COL6A1: variants seen among roughly 807,000 people sequenced by gnomAD.
The protein encoded by COL6A1 is collagen alpha-1(VI) chain.
Under a neutral mutation model 145.6 loss-of-function variants are expected in COL6A1, and 80 were observed. The observed-to-expected ratio is 0.55, with a 90% CI of 0.46 to 0.66. COL6A1 has a LOEUF of 0.66. Ranked by LOEUF, COL6A1 falls within the 30% of genes least tolerant of loss-of-function variation. The pLI is 0.00. For synonymous variants in COL6A1, 638 were observed against 622.8 expected (o/e 1.02, Z -0.36); for missense variants, 1,364 against 1,473.8 (o/e 0.93, Z 1.22).
In COL6A1 at chr21:46,004,738, AC is replaced by A; in HGVS notation, c.*729del. 1 of 445,554 alleles carries A rather than the reference AC, an allele frequency of 2.2e-6. No individual in the cohort carries two copies. The highest frequency in any genetic ancestry group is 2.4e-5 in the Admixed American group (1 of 41,848). 27.6% of individuals were successfully genotyped at this position (445,554 alleles called of 1,614,324 possible). On this transcript the variant is annotated 3_prime_UTR_variant, in exon 35 of 35. Transcript: ENST00000361866. ...TGGAGGCCGCTGCTGACCAGCACTG[AC>A]CCCGACCTCAGAGAGTACTCGCAGG... is the stretch of plus-strand genomic sequence containing the variant.
intron 29 of COL6A1, 59 bp downstream of exon 29, chr21:46,000,826 T>C: frequency 6.3e-7 from 1 of 1,598,774 alleles, no homozygotes; most frequent in Non-Finnish European, 8.6e-7. Flanking sequence ...GAGCGAGGCC[T>C]GGGTCCCACA....
At chr21:45,987,682 G>C in intron 8 of COL6A1, 28 bp downstream of exon 8, 1 of 1,597,328 alleles carries the variant, frequency 6.3e-7, no homozygotes, top group African/African-American at 1.3e-5. Flanking sequence ...CTCCTCCCAT[G>C]TGTTGTGGGG....
Position 45,999,594 on chromosome 21 carries a change from T to C in COL6A1, c.1741-63T>C, listed in dbSNP as rs886340356. On this transcript the variant is annotated intron_variant, in intron 26 of 34. Transcript: ENST00000361866. ...CAGGGCCCTGGGGGTGGGGGCTGTC[T>C]CAGCTCAGGAAGCACAGTGGGCTCC... 5.1e-6 allele frequency: 8 copies of C among 1,581,284 alleles called. No individual in the cohort carries two copies. In the Admixed American group the frequency reaches 1.4e-4, roughly 27 times the overall value.
intron 25 of COL6A1, 37 bp downstream of exon 25, chr21:45,998,996 C>T (rs1196507618): frequency 1.1e-5 from 17 of 1,549,812 alleles, no homozygotes; most frequent in Non-Finnish European, 1.4e-5. Context: ...GCCCCAAGTC[C>T]ACCTGAGCCA....
Position 45,998,448 on chromosome 21 carries a change from T to C in COL6A1, c.1611+15T>C. ...CCGGGATAAACGTGAGTACGCCCCC[T>C]CCTCCATCTGGCTGTGGGCACACAA... On this transcript the variant is annotated intron_variant, in intron 24 of 34. Transcript: ENST00000361866. 1 of 1,613,170 alleles carries C rather than the reference T, an allele frequency of 6.2e-7. No homozygotes were observed. The highest frequency in any genetic ancestry group is 8.5e-7 in the Non-Finnish European group (1 of 1,179,962).
chr21:45,998,804 CCT>C, intron 24 of COL6A1, 91 bp from the exon 25 acceptor site: 2 of 1,334,254 alleles, frequency 1.5e-6, no homozygotes, highest in Non-Finnish European at 2.1e-6. Flanking sequence ...GAGAAGAGTG[CCT>C]CTCTTATCTT....
Position 45,994,148 on chromosome 21 carries a change from A to C in COL6A1, c.1336-19A>C, listed in dbSNP as rs1434185713. ...CCAAGGATGGCCCAGCTCCACACTC[A>C]CGGCTCGTTTCTCTTCAGGGTGAAG... On this transcript the variant is annotated intron_variant, in intron 19 of 34. Transcript: ENST00000361866. The surrounding 1 kb of genome is among the most constrained non-coding windows in gnomAD (Gnocchi z 6.8). 6.3e-7 allele frequency: 1 copy of C among 1,588,990 alleles called. No individual in the cohort carries two copies. The highest frequency in any genetic ancestry group is 2.3e-5 in the East Asian group (1 of 43,862).
intron 3 of COL6A1, among the ~76,000 whole-genome samples, chr21:45,986,195 G>A (rs73374777): frequency 3.3e-5 from 5 of 152,272 alleles, no homozygotes; most frequent in African/African-American, 7.2e-5. Context: ...CGGGCATCTC[G>A]GAGGGGCACG....
rs1282531612 is a variant in COL6A1, at chr21:46,001,249, G to A, written c.1823-4G>A. The A allele has an allele frequency of 1.9e-6, 3 of 1,605,326 alleles. No individual in the cohort carries two copies. The highest frequency in any genetic ancestry group is 1.1e-5 in the South Asian group (1 of 91,066). ...TGCTCTGCTGACACCGCCCCCGCCT[G>A]CAGAATGCAAGTGCGGCCCCATCGA... is the stretch of plus-strand genomic sequence containing the variant. On this transcript the variant is annotated splice_region_variant and splice_polypyrimidine_tract_variant and intron_variant, in intron 29 of 34. Transcript: ENST00000361866.
rs1009649392 is a variant in COL6A1, at chr21:45,995,388, G to A, written c.1398+1159G>A. 5.3e-5 allele frequency among the ~76,000 whole-genome samples: 8 copies of A among 152,236 alleles called. No individual in the cohort carries two copies. The East Asian group carries it at 7.7e-4, about 15-fold the overall frequency. ...CAGGGCCAGGTGCAGGGCACAGTGC[G>A]TGGAAGAGGCCATGCAGCCAGTGGC... On this transcript the variant is annotated intron_variant, in intron 20 of 34. Coordinates refer to ENST00000361866, the MANE Select transcript of COL6A1 (RefSeq NM_001848.3).
At position 46,000,324 on chromosome 21, in the gene COL6A1, T is replaced by TC; in HGVS notation, c.1777-3dup. The TC allele has an allele frequency of 6.2e-7, 1 of 1,613,842 alleles. No individual in the cohort carries two copies. The highest frequency in any genetic ancestry group is 8.5e-7 in the Non-Finnish European group (1 of 1,179,848). On this transcript the variant is annotated splice_polypyrimidine_tract_variant and splice_region_variant and intron_variant, in intron 27 of 34. Transcript: ENST00000361866. Reference sequence around the variant, plus strand: ...TGGCCCCAGTACCCTCGTCTCTCCCTCCCCAGGAATGCGAGATTTTGGACA... The same window carrying TC: ...TGGCCCCAGTACCCTCGTCTCTCCCTCCCCCAGGAATGCGAGATTTTGGACA...
chr21:45,984,401 C>T lies in COL6A1; in HGVS notation c.360C>T (p.Val120=), dbSNP rs2077725761. The T allele has an allele frequency of 1.2e-6, 2 of 1,612,670 alleles. No individual in the cohort carries two copies. Among genetic ancestry groups the T allele is most frequent in the Admixed American group, 3.3e-5 (2 of 60,022 alleles). ...CACTCAAAAGCAGCGTGGACGCGGT[C>T]AAGTACTTTGGGAAGGGCACCTACA... is the stretch of plus-strand genomic sequence containing the variant. ...RDALKSSVDA[V]KYFGKGTYTD... The change falls in exon 3 of 35, where the codon GTC becomes GTT. Residue 120 remains valine (V), a synonymous_variant. Transcript: ENST00000361866.
In COL6A1 at chr21:45,994,307, TG is replaced by T; in HGVS notation, c.1398+83del. ...AGAAGTGCTCCAGCAGCTCACGCAC[TG>T]GGGGTCTGTTCATTTCCGTTTGAGG... is the stretch of plus-strand genomic sequence containing the variant. On this transcript the variant is annotated intron_variant, in intron 20 of 34. Coordinates refer to ENST00000361866, the MANE Select transcript of COL6A1 (RefSeq NM_001848.3). This position sits in a 1 kb window ranked among gnomAD's most constrained non-coding sequence, Gnocchi z 6.8. 7.5e-7 allele frequency: 1 copy of T among 1,327,438 alleles called. No individual in the cohort carries two copies. Among genetic ancestry groups the T allele is most frequent in the East Asian group, 2.5e-5 (1 of 40,364 alleles). 82.2% of individuals were successfully genotyped at this position (1,327,438 alleles called of 1,614,324 possible). A position where few individuals can be genotyped will look rare whatever the true frequency, so the allele number is the denominator to read the frequency against.
chr21:45,997,508 C>T (rs1289385261), intron 21 of COL6A1, 25 bp downstream of exon 21: 23 of 1,535,684 alleles, frequency 1.5e-5, no homozygotes, highest in Middle Eastern at 3.4e-4. Flanking sequence ...CCACCCACAC[C>T]CGCCCACCCA....
Position 46,001,441 on chromosome 21 carries a change from G to A in COL6A1, c.1956+55G>A, listed in dbSNP as rs577302518. 3.4e-3 allele frequency: 5,362 copies of A among 1,597,176 alleles called. 23 individuals are homozygous for A. The highest frequency in any genetic ancestry group is 4.0e-3 in the Non-Finnish European group (4,664 of 1,176,466). Reference sequence around the variant, plus strand: ...AGCCCAGGTGCACCCCGACCCTGCCGGCCGCCCCTGCCCGCGCCAGACCTC... The same window carrying A: ...AGCCCAGGTGCACCCCGACCCTGCCAGCCGCCCCTGCCCGCGCCAGACCTC... On this transcript the variant is annotated intron_variant, in intron 30 of 34. Coordinates refer to ENST00000361866, the MANE Select transcript of COL6A1 (RefSeq NM_001848.3).
chr21:46,001,274 ACCT>A lies in COL6A1; in HGVS notation c.1848_1850del (p.Leu617del), dbSNP rs1085307560. ...GCAGAATGCAAGTGCGGCCCCATCG[ACCT>A]CCTGTTCGTGCTGGACAGCTCAGAG... On this transcript the variant is annotated inframe_deletion, in exon 30 of 35. Coordinates refer to ENST00000361866, the MANE Select transcript of COL6A1 (RefSeq NM_001848.3). 3 of 1,610,438 alleles carry A rather than the reference ACCT, an allele frequency of 1.9e-6. No homozygotes were observed. The highest frequency in any genetic ancestry group is 2.2e-5 in the South Asian group (2 of 91,066).
rs773375525 is a variant in COL6A1, at chr21:45,992,015, G to A, written c.1125G>A (p.Glu375=). Residue 375 remains glutamate (E), a synonymous_variant, in exon 16 of 35, where the codon GAG becomes GAA. Coordinates refer to ENST00000361866, the MANE Select transcript of COL6A1 (RefSeq NM_001848.3). ...ACTCCCCCGGTCTTCCCCAGGGCGA[G>A]CCTGGAGCTGACGGGGAGGCGGGGA... The part of the protein sequence containing the change: ...GAFGLKGEKG[E]PGADGEAGRP... 3.8e-6 allele frequency: 6 copies of A among 1,594,134 alleles called. No individual in the cohort carries two copies. In the African/African-American group the frequency reaches 5.4e-5, roughly 14 times the overall value.
chr21:45,987,363 TGCCTGGGACATGTGTCC>T lies in COL6A1; in HGVS notation c.739-130_739-114del, dbSNP rs1175898673. 2.7e-6 allele frequency: 4 copies of T among 1,484,774 alleles called. No individual in the cohort carries two copies. In the African/African-American group the frequency reaches 5.5e-5, roughly 20 times the overall value. The allele number at this position is 1,484,774 out of a possible 1,614,324, so 92.0% of individuals were successfully genotyped here. On this transcript the variant is annotated intron_variant, in intron 6 of 34. Coordinates refer to ENST00000361866, the MANE Select transcript of COL6A1 (RefSeq NM_001848.3). ...GTGTCCACCTGTGTGTCTGCCCATG[TGCCTGGGACATGTGTCC>T]GCCTGTGCGTCCATCCGTGTGTCCG...
At chr21:45,987,428 A>C (rs1190854361) in intron 6 of COL6A1, 71 bp from the exon 7 acceptor site, 9 of 1,605,280 alleles carry the variant, frequency 5.6e-6, no homozygotes, top group Non-Finnish European at 7.7e-6. Flanking sequence ...CCTGGGTCGC[A>C]TGTCACCCTG....
Sources: allele counts gnomAD v4.1 joint callset (sites outside exome capture counted in the v4.1 genomes callset), GRCh38; gene constraint gnomAD v4.1.1; non-coding constraint Gnocchi (gnomAD v3.1); transcripts MANE v1.5; gene names NCBI Gene and HGNC (gene_info 2026-07-23, HGNC 2026-07-21).